The following PRUNE2 variants were observed in gnomAD, a reference collection of about 807,000 sequenced individuals.
PRUNE2 encodes the protein prune homolog 2 with BCH domain.
A neutral mutation model predicts 252.0 loss-of-function variants in PRUNE2; 164 were observed. The ratio of observed to expected loss-of-function variants is 0.65; its 90% CI spans 0.57 to 0.74. The LOEUF (loss-of-function observed/expected upper bound fraction) is 0.74. Among genes scored for constraint, PRUNE2 ranks in the 30% least tolerant of loss-of-function variants. The pLI is 0.00. For missense variants in PRUNE2, 3,495 were observed against 3,711.0 expected (o/e 0.94, Z 1.51); for synonymous variants, 1,292 against 1,350.2 (o/e 0.96, Z 0.94).
At chr9:76,777,408 C>G (rs1271422641) in intron 6 of PRUNE2, among the ~76,000 whole-genome samples, 3 of 152,180 alleles carry the variant, frequency 2.0e-5, no homozygotes, top group Non-Finnish European at 4.4e-5. Flanking sequence ...CCACCATGCT[C>G]TGTAAAATGC....
rs374765969 is a variant in PRUNE2, at chr9:76,809,783, A to T, written c.756+13849T>A. Among the ~76,000 whole-genome samples the T allele has an allele frequency of 2.0e-5, 3 of 152,230 alleles. No individual in the cohort carries two copies. In the East Asian group the frequency reaches 5.8e-4, roughly 29 times the overall value. On this transcript the variant is annotated intron_variant, in intron 6 of 18. Transcript: ENST00000376718. ...GCACTTGTAACCCATAAATTCATAC[A>T]TATAAAAAAGGATTTAAAAATAAAA...
In PRUNE2 at chr9:76,839,892, A is replaced by G. The variant is rs544231770; in HGVS notation, c.508+6623T>C. ...AAGGAAAGAATCATGTATAACTCCT[A>G]GATGATGGCTTTTAAGCAATTGGGT... On this transcript the variant is annotated intron_variant, in intron 4 of 18. Transcript: ENST00000376718. 3.3e-5 allele frequency among the ~76,000 whole-genome samples: 5 copies of G among 152,232 alleles called. No individual in the cohort carries two copies. In the East Asian group the frequency reaches 5.8e-4, roughly 18 times the overall value.
chr9:76,656,735 C>T (rs1243613518), intron 9 of PRUNE2, among the ~76,000 whole-genome samples: 1 of 152,170 alleles, frequency 6.6e-6, no homozygotes, highest in African/African-American at 2.4e-5. Context: ...CCCCTACCTT[C>T]AAAAACTCAG....
At chr9:76,855,904 C>T (rs1024187005) in intron 1 of PRUNE2, among the ~76,000 whole-genome samples, 1 of 152,130 alleles carries the variant, frequency 6.6e-6, no homozygotes, top group Non-Finnish European at 1.5e-5. Context: ...TAGTCTAGGT[C>T]CAGTTCTCAC....
intron 6 of PRUNE2, among the ~76,000 whole-genome samples, chr9:76,736,215 A>G (rs1372739962): frequency 6.6e-6 from 1 of 152,188 alleles, no homozygotes; most frequent in African/African-American, 2.4e-5. Flanking sequence ...CAGAAATAGT[A>G]TAAGCACTCT....
At chr9:76,732,426 T>C (rs781252310) in intron 6 of PRUNE2, among the ~76,000 whole-genome samples, 2 of 152,252 alleles carry the variant, frequency 1.3e-5, no homozygotes, top group Non-Finnish European at 2.9e-5. Flanking sequence ...AAATCTGCCC[T>C]TACCACCCAC....
At chr9:76,768,022 T>C (rs937296553) in intron 6 of PRUNE2, among the ~76,000 whole-genome samples, 2 of 152,182 alleles carry the variant, frequency 1.3e-5, no homozygotes, top group Non-Finnish European at 2.9e-5. Context: ...CCTCCAGCTA[T>C]ACGTGCATCA....
intron 10 of PRUNE2, among the ~76,000 whole-genome samples, chr9:76,653,804 T>C (rs138454081): frequency 1.3e-5 from 2 of 152,262 alleles, no homozygotes; most frequent in African/African-American, 2.4e-5. Flanking sequence ...TCGCTTGACA[T>C]TGGTTCCCAT....
chr9:76,706,213 C>G lies in PRUNE2; in HGVS notation c.6061G>C (p.Val2021Leu). Residue 2021 changes from valine (V) to leucine (L), a missense_variant, in exon 8 of 19, where the codon GTC becomes CTC. By Grantham distance (32) the Val-to-Leu change is conservative. Transcript: ENST00000376718. ...ATTATCAGTTGGGTGGGAGAACTGA[C>G]AGCAGGAAAATTTTCTGTGGCAATG... ...SSIATENFPA[V>L]SSPTQLIMKP... 1 of 1,613,982 alleles carries G rather than the reference C, an allele frequency of 6.2e-7. No individual in the cohort carries two copies. Among genetic ancestry groups the G allele is most frequent in the Non-Finnish European group, 8.5e-7 (1 of 1,179,880 alleles).
At chr9:76,742,929 C>T (rs1448106372) in intron 6 of PRUNE2, among the ~76,000 whole-genome samples, 1 of 152,170 alleles carries the variant, frequency 6.6e-6, no homozygotes, top group Non-Finnish European at 1.5e-5. Flanking sequence ...CAAATCTCAT[C>T]TTGAATTGTA....
Position 76,713,663 on chromosome 9 carries a change from C to G in PRUNE2, c.815G>C (p.Gly272Ala), listed in dbSNP as rs891271814. The G allele has an allele frequency of 1.2e-6, 2 of 1,600,862 alleles. No individual in the cohort carries two copies. Among genetic ancestry groups the G allele is most frequent in the Non-Finnish European group, 8.5e-7 (1 of 1,173,350 alleles). The change falls in exon 7 of 19, where the codon GGT becomes GCT. Residue 272 changes from glycine to alanine, a missense_variant. Transcript: ENST00000376718. ...GGAGAACAGGATGAGGACATCAAAACCAAACTTGTCTGTAAATGCTTTCAA... is the reference window on the plus strand; with the variant it reads ...GGAGAACAGGATGAGGACATCAAAAGCAAACTTGTCTGTAAATGCTTTCAA... ...SDLKAFTDKF[G>A]FDVLILFSSY...
chr9:76,804,947 T>C (rs567731502), intron 6 of PRUNE2, among the ~76,000 whole-genome samples: 1 of 152,352 alleles, frequency 6.6e-6, no homozygotes, highest in East Asian at 1.9e-4. Context: ...ATGGGCTGGA[T>C]ACAGTGGCTC....
At chr9:76,853,573 T>C (rs1447727737) in intron 2 of PRUNE2, among the ~76,000 whole-genome samples, 1 of 152,162 alleles carries the variant, frequency 6.6e-6, no homozygotes, top group African/African-American at 2.4e-5. Context: ...CTAAGGATGA[T>C]CTCGCTGTAC....
Position 76,774,465 on chromosome 9 carries a change from T to TATTTATTTATTTATTTATTTATTTA in PRUNE2, c.756+49166_756+49167insTAAATAAATAAATAAATAAATAAAT, listed in dbSNP as rs761395945. 9.8e-3 allele frequency among the ~76,000 whole-genome samples: 1,343 copies of TATTTATTTATTTATTTATTTATTTA among 136,916 alleles called. 60 individuals are homozygous for TATTTATTTATTTATTTATTTATTTA. The highest frequency in any genetic ancestry group is 0.034 in the African/African-American group (1,222 of 35,770). The allele number at this position is 136,916 out of a possible 152,430, so 89.8% of individuals were successfully genotyped here. On this transcript the variant is annotated intron_variant, in intron 6 of 18. Transcript: ENST00000376718. ...CAGTTCAACCCTTTTTTTTTTTTTTTTTTTTTTTTTTTGAGATGGAGTCTC... is the reference window on the plus strand; with the variant it reads ...CAGTTCAACCCTTTTTTTTTTTTTTTATTTATTTATTTATTTATTTATTTATTTTTTTTTTTTGAGATGGAGTCTC...
intron 3 of PRUNE2, among the ~76,000 whole-genome samples, chr9:76,849,822 T>C (rs970854523): frequency 2.1e-5 from 3 of 141,418 alleles, no homozygotes; most frequent in Non-Finnish European, 3.0e-5. Context: ...CGAGACTCTG[T>C]CTCAAAAAAA....
intron 6 of PRUNE2, among the ~76,000 whole-genome samples, chr9:76,801,811 C>T (rs1200185987): frequency 6.6e-6 from 1 of 152,092 alleles, no homozygotes; most frequent in African/African-American, 2.4e-5. Context: ...ATCAGTGCTG[C>T]GTACAGACAA....
intron 6 of PRUNE2, chr9:76,739,278 T>C (rs529240636): frequency 6.6e-6 from 1 of 152,280 alleles, no homozygotes; most frequent in African/African-American, 2.4e-5. Context: ...GGATACCAGC[T>C]GTAGCCCATG....
intron 4 of PRUNE2, among the ~76,000 whole-genome samples, chr9:76,828,878 G>T (rs1010826428): frequency 6.6e-6 from 1 of 151,944 alleles, no homozygotes; most frequent in African/African-American, 2.4e-5. Context: ...TGAGCCAGGA[G>T]CGGTGGCGGG....
intron 6 of PRUNE2, among the ~76,000 whole-genome samples, chr9:76,797,302 C>A (rs1044592829): frequency 2.0e-5 from 3 of 151,806 alleles, no homozygotes; most frequent in African/African-American, 4.8e-5. Flanking sequence ...AGAAAAAGAA[C>A]TGAAAAGGGA....
Sources: gnomAD v4.1 joint callset for allele counts (sites outside exome capture counted in the v4.1 genomes callset) on GRCh38, gnomAD v4.1.1 for gene constraint, MANE v1.5 for transcripts, NCBI Gene and HGNC (gene_info 2026-07-23, HGNC 2026-07-21) for gene names.